The following KLHL3 variants were observed in gnomAD, a reference collection of about 807,000 sequenced individuals.
KLHL3 encodes the protein kelch like family member 3.
Under a neutral mutation model 70.5 loss-of-function variants are expected in KLHL3, and 19 were observed. That is an observed-to-expected ratio of 0.27 (90% CI 0.19 to 0.40). The LOEUF is 0.40. Among genes scored for constraint, KLHL3 ranks in the 10% least tolerant of loss-of-function variants. The probability of loss-of-function intolerance (pLI) is 1.00; values close to 1 mark genes in which losing one functional copy is unlikely to be tolerated. For synonymous variants in KLHL3, 258 were observed against 290.3 expected, an observed-to-expected ratio of 0.89 and a Z score of 1.13; for missense variants, 512 against 771.1, an observed-to-expected ratio of 0.66 and a Z score of 3.98.
chr5:137,735,619 T>G lies in KLHL3; in HGVS notation c.14+14A>C. On this transcript the variant is annotated intron_variant, in intron 1 of 14. Coordinates refer to ENST00000309755, the MANE Select transcript of KLHL3 (RefSeq NM_017415.3). ...CATACACACACAACACAGCACACACTTATACATACATACCTTTCACCCTCC... is the reference window on the plus strand; with the variant it reads ...CATACACACACAACACAGCACACACGTATACATACATACCTTTCACCCTCC... 1 of 1,599,068 alleles carries G rather than the reference T, an allele frequency of 6.3e-7. No homozygotes were observed. The highest frequency in any genetic ancestry group is 8.6e-7 in the Non-Finnish European group (1 of 1,166,240).
At chr5:137,690,092 C>CTGAG (rs1042289036) in intron 5 of KLHL3, among the ~76,000 whole-genome samples, 1 of 152,088 alleles carries the variant, frequency 6.6e-6, no homozygotes, top group African/African-American at 2.4e-5. Flanking sequence ...CTTTGGGAGG[C>CTGAG]TGAGGCAGGC....
intron 11 of KLHL3, among the ~76,000 whole-genome samples, chr5:137,635,970 G>A (rs1183160526): frequency 1.3e-5 from 2 of 151,962 alleles, no homozygotes; most frequent in African/African-American, 4.8e-5. Context: ...CTATTAACAG[G>A]GATTTGCTAT....
intron 3 of KLHL3, among the ~76,000 whole-genome samples, chr5:137,699,752 C>A (rs922488106): frequency 2.0e-5 from 3 of 152,154 alleles, no homozygotes; most frequent in African/African-American, 7.2e-5. Context: ...AACCTAACTG[C>A]AAGAAACAAG....
At chr5:137,709,711 G>T in intron 3 of KLHL3, 39 bp downstream of exon 3, 1 of 1,496,136 alleles carries the variant, frequency 6.7e-7, no homozygotes. Context: ...TGGGGCTGCA[G>T]CCCCATAACC....
In KLHL3 at chr5:137,692,355, G is replaced by A; in HGVS notation, c.456C>T (p.Cys152=). ...CATCTGCAAATGCACGGATGCCCAG[G>A]CAATTGGTGGGATGCAACTGAGACT... ...FLQSQLHPTN[C]LGIRAFADVH... is the part of the protein sequence containing the mutation. Residue 152 remains cysteine, a synonymous_variant, in exon 5 of 15, where the codon TGC becomes TGT. Coordinates refer to ENST00000309755, the MANE Select transcript of KLHL3 (RefSeq NM_017415.3). 1 of 1,613,874 alleles carries A rather than the reference G, an allele frequency of 6.2e-7. No homozygotes were observed. Among genetic ancestry groups the A allele is most frequent in the Non-Finnish European group, 8.5e-7 (1 of 1,179,996 alleles).
At chr5:137,677,935 G>A (rs77790662) in intron 5 of KLHL3, among the ~76,000 whole-genome samples, 1,704 of 152,268 alleles carry the variant, frequency 0.011, 31 homozygotes, top group African/African-American at 0.039. Flanking sequence ...CATGCTCCAT[G>A]AGATTAATAA....
At chr5:137,689,163 T>C (rs1388759587) in intron 5 of KLHL3, among the ~76,000 whole-genome samples, 1 of 152,190 alleles carries the variant, frequency 6.6e-6, no homozygotes, top group Admixed American at 6.5e-5. Flanking sequence ...ATGGCTATTA[T>C]TAAAAAGTCA....
chr5:137,704,930 G>C (rs895083228), intron 3 of KLHL3, among the ~76,000 whole-genome samples: 3 of 152,154 alleles, frequency 2.0e-5, no homozygotes, highest in African/African-American at 7.2e-5. Context: ...GCCCAAAAGT[G>C]ACTAACTCTA....
intron 8 of KLHL3, 86 bp downstream of exon 8, chr5:137,658,045 G>A (rs1580738075): frequency 2.2e-6 from 3 of 1,346,418 alleles, no homozygotes; most frequent in African/African-American, 2.9e-5. Context: ...GCAGCCATGG[G>A]TGAGGAAAGA....
chr5:137,652,466 A>G (rs1375628133), intron 8 of KLHL3, among the ~76,000 whole-genome samples: 6 of 152,378 alleles, frequency 3.9e-5, no homozygotes, highest in African/African-American at 1.4e-4. Context: ...CATATTTAGT[A>G]GAATACTATT....
intron 2 of KLHL3, among the ~76,000 whole-genome samples, chr5:137,712,943 G>T (rs962793541): frequency 2.2e-4 from 33 of 151,474 alleles, no homozygotes; most frequent in Non-Finnish European, 3.1e-4. Context: ...TAAAAAAATG[G>T]TTTTTTTTCA....
intron 5 of KLHL3, among the ~76,000 whole-genome samples, chr5:137,690,144 G>A (rs1446979271): frequency 6.6e-6 from 1 of 152,092 alleles, no homozygotes; most frequent in Non-Finnish European, 1.5e-5. Context: ...TGGCTAACAC[G>A]GTGAAACCCC....
intron 4 of KLHL3, among the ~76,000 whole-genome samples, chr5:137,697,111 A>G (rs1489742512): frequency 2.6e-5 from 4 of 151,806 alleles, no homozygotes; most frequent in Non-Finnish European, 5.9e-5. Flanking sequence ...CAGATACATA[A>G]CAGCATGAAG....
At chr5:137,702,502 G>A (rs1272983549) in intron 3 of KLHL3, among the ~76,000 whole-genome samples, 1 of 152,214 alleles carries the variant, frequency 6.6e-6, no homozygotes, top group Non-Finnish European at 1.5e-5. Flanking sequence ...ATGAGACAAG[G>A]CTGTAGATGA....
chr5:137,717,040 A>C (rs1752907419), intron 2 of KLHL3, among the ~76,000 whole-genome samples: 1 of 152,234 alleles, frequency 6.6e-6, no homozygotes, highest in African/African-American at 2.4e-5. Context: ...CCTTTTAGAC[A>C]AGATCTGCCA....
At chr5:137,651,645 T>G (rs915757995) in intron 8 of KLHL3, among the ~76,000 whole-genome samples, 1 of 152,200 alleles carries the variant, frequency 6.6e-6, no homozygotes, top group Non-Finnish European at 1.5e-5. Context: ...TTCCCCCATT[T>G]GATCTAGAGA....
intron 7 of KLHL3, chr5:137,661,459 C>T (rs1751472005): frequency 6.5e-6 from 1 of 152,856 alleles, no homozygotes; most frequent in African/African-American, 2.4e-5. Context: ...TTGCCTAAAA[C>T]TAAGACATAA....
chr5:137,699,900 G>A (rs576515608), intron 3 of KLHL3, among the ~76,000 whole-genome samples: 4 of 152,320 alleles, frequency 2.6e-5, no homozygotes, highest in South Asian at 2.1e-4. Context: ...CAAGCTGCAC[G>A]GACTGCACAT....
Position 137,658,299 on chromosome 5 carries a change from A to T in KLHL3, c.754-19T>A. 1.2e-6 allele frequency: 2 copies of T among 1,613,658 alleles called. No individual in the cohort carries two copies. The highest frequency in any genetic ancestry group is 2.7e-5 in the African/African-American group (2 of 75,040). The stretch of plus-strand genomic sequence containing the variant: ...CAACCGTCTAGAGGTAATAATCCAC[A>T]GATGATCCTGGAGCACAGCTCAGCC... On this transcript the variant is annotated intron_variant, in intron 7 of 14. Transcript: ENST00000309755.
Sources: gnomAD v4.1 joint callset for allele counts (sites outside exome capture counted in the v4.1 genomes callset) on GRCh38, gnomAD v4.1.1 for gene constraint, MANE v1.5 for transcripts, NCBI Gene and HGNC (gene_info 2026-07-23, HGNC 2026-07-21) for gene names.